The following RAB43 variants were observed in gnomAD, a reference collection of about 807,000 sequenced individuals.
RAB43 encodes RAB43, member RAS oncogene family.
In RAB43, 6 loss-of-function variants were observed where a neutral mutation model predicts 18.8. That is an observed-to-expected ratio of 0.32 (90% confidence interval 0.17 to 0.63). The LOEUF is 0.63. RAB43 is among the 30% of genes least tolerant of loss of function. The probability of loss-of-function intolerance (pLI) is 0.79; values close to 1 mark genes in which losing one functional copy is unlikely to be tolerated. For missense variants in RAB43, 195 were observed against 289.1 expected (o/e 0.67, Z 2.36); for synonymous variants, 103 against 124.1 (o/e 0.83, Z 1.13).
In RAB43 at chr3:129,121,522, G is replaced by A. The variant is rs199990956; in HGVS notation, c.-33C>T. On this transcript the variant is annotated 5_prime_UTR_variant, in exon 1 of 3. Coordinates refer to ENST00000315150, the MANE Select transcript of RAB43 (RefSeq NM_198490.3). ...AAGAAGCCGAAGGGCCGGCGCTCTG[G>A]ACGCTGGGACCGGCCTGAGCTCACG... is the stretch of plus-strand genomic sequence containing the variant. 1.2e-3 allele frequency: 1,830 copies of A among 1,553,696 alleles called. 12 individuals carry two copies. The highest frequency in any genetic ancestry group is 8.5e-4 in the Non-Finnish European group (970 of 1,147,318).
intron 1 of RAB43, among the ~76,000 whole-genome samples, chr3:129,108,303 C>A (rs879292449): frequency 6.6e-6 from 1 of 152,238 alleles, no homozygotes; most frequent in Non-Finnish European, 1.5e-5. Context: ...CAGGAACAGC[C>A]CTGACTGTCC....
intron 1 of RAB43, among the ~76,000 whole-genome samples, chr3:129,119,228 A>T (rs1935742053): frequency 6.6e-6 from 1 of 152,216 alleles, no homozygotes; most frequent in Non-Finnish European, 1.5e-5. Flanking sequence ...CTGCTGCGGC[A>T]GCGGACCCCA....
intron 1 of RAB43, among the ~76,000 whole-genome samples, chr3:129,105,956 A>C (rs1251202437): frequency 6.6e-6 from 1 of 152,132 alleles, no homozygotes; most frequent in East Asian, 1.9e-4. Flanking sequence ...CAATACTTGC[A>C]CAGTGCCTGC....
At chr3:129,110,671 T>C (rs1935106444) in intron 1 of RAB43, among the ~76,000 whole-genome samples, 1 of 152,214 alleles carries the variant, frequency 6.6e-6, no homozygotes, top group African/African-American at 2.4e-5. Flanking sequence ...ACCCCGTCTC[T>C]ATTAAAAATG....
intron 1 of RAB43, among the ~76,000 whole-genome samples, chr3:129,101,348 C>T (rs1934401636): frequency 6.6e-6 from 1 of 151,614 alleles, no homozygotes; most frequent in Non-Finnish European, 1.5e-5. Context: ...ATTTTTCATT[C>T]AACATGCGCT....
Position 129,103,946 on chromosome 3 carries a change from GCA to G in RAB43, c.205-8779_205-8778del, listed in dbSNP as rs71153168. On this transcript the variant is annotated intron_variant, in intron 1 of 2. Transcript: ENST00000315150. Reference sequence around the variant, plus strand: ...TTTAGTGCACGTCACTGCCTGACATGCACACACACACACATGCACACACACTT... The same window carrying G: ...TTTAGTGCACGTCACTGCCTGACATGCACACACACACATGCACACACACTT... Among the ~76,000 whole-genome samples the G allele has an allele frequency of 4.0e-5, 6 of 151,510 alleles. No homozygotes were observed. In the East Asian group the frequency reaches 1.2e-3, roughly 29 times the overall value.
At chr3:129,104,731 T>C (rs1559999507) in intron 1 of RAB43, among the ~76,000 whole-genome samples, 1 of 152,232 alleles carries the variant, frequency 6.6e-6, no homozygotes, top group Non-Finnish European at 1.5e-5. Context: ...TTCTTTCCTC[T>C]TCTAATCTCT....
rs1934886312 is a variant in RAB43, at chr3:129,107,879, T to C, written c.205-12710A>G. On this transcript the variant is annotated intron_variant, in intron 1 of 2. Coordinates refer to ENST00000315150, the MANE Select transcript of RAB43 (RefSeq NM_198490.3). The surrounding 1 kb of genome is among the most constrained non-coding windows in gnomAD (Gnocchi z 4.2). ...CCTCACGAGTCCCTCACCCTCACCCTCCAAGCCACTCGGTCACCTCTTCAA... is the reference window on the plus strand; with the variant it reads ...CCTCACGAGTCCCTCACCCTCACCCCCCAAGCCACTCGGTCACCTCTTCAA... Among the ~76,000 whole-genome samples the C allele has an allele frequency of 6.6e-6, 1 of 151,788 alleles. No individual in the cohort carries two copies. Among genetic ancestry groups the C allele is most frequent in the Non-Finnish European group, 1.5e-5 (1 of 67,910 alleles).
intron 1 of RAB43, among the ~76,000 whole-genome samples, chr3:129,110,305 A>G (rs1237810829): frequency 1.3e-5 from 2 of 152,226 alleles, no homozygotes; most frequent in Non-Finnish European, 2.9e-5. Flanking sequence ...GCCAAGAGGT[A>G]GCTGGATAAA....
At chr3:129,100,928 T>A (rs1387965396) in intron 1 of RAB43, among the ~76,000 whole-genome samples, 1 of 152,200 alleles carries the variant, frequency 6.6e-6, no homozygotes, top group African/African-American at 2.4e-5. Context: ...TGCCTCAGCC[T>A]CCCGAGTAGC....
intron 1 of RAB43, among the ~76,000 whole-genome samples, chr3:129,119,832 C>G (rs866315284): frequency 1.4e-4 from 22 of 152,226 alleles, no homozygotes; most frequent in Middle Eastern, 3.2e-3. Flanking sequence ...TGGGCCACCA[C>G]AGACACTCCA....
rs1483187172 is a variant in RAB43, at chr3:129,104,594, G to C, written c.205-9425C>G. Reference sequence around the variant, plus strand: ...TGGCAGGTAAGTTTCATATGGGGTGGGGATTTCAAGGCTGCAAGGGTTTCA... The same window carrying C: ...TGGCAGGTAAGTTTCATATGGGGTGCGGATTTCAAGGCTGCAAGGGTTTCA... On this transcript the variant is annotated intron_variant, in intron 1 of 2. Coordinates refer to ENST00000315150, the MANE Select transcript of RAB43 (RefSeq NM_198490.3). Among the ~76,000 whole-genome samples the C allele has an allele frequency of 2.0e-5, 3 of 152,314 alleles. No homozygotes were observed. In the Middle Eastern group the frequency reaches 0.01, roughly 518 times the overall value.
At chr3:129,096,074 G>T (rs1461377143) in intron 1 of RAB43, among the ~76,000 whole-genome samples, 3 of 152,256 alleles carry the variant, frequency 2.0e-5, no homozygotes, top group Non-Finnish European at 2.9e-5. Context: ...TCTGAAGACT[G>T]ACACCCAGCT....
At chr3:129,111,621 C>T (rs1304005466) in intron 1 of RAB43, among the ~76,000 whole-genome samples, 1 of 151,390 alleles carries the variant, frequency 6.6e-6, no homozygotes, top group East Asian at 1.9e-4. Flanking sequence ...GCAGCCAACA[C>T]ATGTTGAGGG....
chr3:129,108,493 TCTTA>T (rs1172329289), intron 1 of RAB43, among the ~76,000 whole-genome samples: 7 of 152,360 alleles, frequency 4.6e-5, no homozygotes, highest in South Asian at 2.1e-4. Flanking sequence ...AGAGACTGCC[TCTTA>T]CTTACCTTTC....
chr3:129,110,957 A>G (rs1460412745), intron 1 of RAB43, among the ~76,000 whole-genome samples: 2 of 151,912 alleles, frequency 1.3e-5, no homozygotes, highest in Admixed American at 1.3e-4. Flanking sequence ...AAGGTAAGAT[A>G]ATTCAGGGAA....
At chr3:129,114,537 A>C (rs1377120761) in intron 1 of RAB43, among the ~76,000 whole-genome samples, 3 of 152,236 alleles carry the variant, frequency 2.0e-5, no homozygotes, top group Non-Finnish European at 4.4e-5. Context: ...AAACGCATGC[A>C]CATTTGAGGG....
intron 1 of RAB43, among the ~76,000 whole-genome samples, chr3:129,108,129 T>C (rs1014162521): frequency 6.6e-6 from 1 of 152,228 alleles, no homozygotes; most frequent in Non-Finnish European, 1.5e-5. Context: ...TTCAAAGCCC[T>C]GCCCATCTCA....
chr3:129,112,082 A>C (rs896492936), intron 1 of RAB43, among the ~76,000 whole-genome samples: 2 of 151,996 alleles, frequency 1.3e-5, no homozygotes, highest in African/African-American at 4.8e-5. Flanking sequence ...AACCCCATCT[A>C]TCTCTACTAA....
Sources: gnomAD v4.1 joint callset for allele counts (sites outside exome capture counted in the v4.1 genomes callset) on GRCh38, gnomAD v4.1.1 for gene constraint, Gnocchi (gnomAD v3.1) non-coding constraint, MANE v1.5 for transcripts, NCBI Gene and HGNC (gene_info 2026-07-23, HGNC 2026-07-21) for gene names.